Variants in STK3 observed in about 807,000 individuals in gnomAD.
STK3 encodes serine/threonine kinase 3, also known as serine/threonine-protein kinase 3.
Under a neutral mutation model 58.0 loss-of-function variants are expected in STK3, and 41 were observed. The observed-to-expected ratio is 0.71, with a 90% confidence interval of 0.55 to 0.92. The LOEUF is 0.92. Among genes scored for constraint, STK3 ranks in the 40% least tolerant of loss-of-function variants. The pLI, the probability that STK3 is intolerant of heterozygous loss-of-function variation, is 0.00. For missense variants in STK3, 479 were observed against 602.7 expected, an observed-to-expected ratio of 0.79 and a Z score of 2.15; for synonymous variants, 170 against 191.0, an observed-to-expected ratio of 0.89 and a Z score of 0.91.
chr8:98,413,828 C>G (rs1412649889), intron 3 of STK3: 18 of 587,688 alleles, frequency 3.1e-5, no homozygotes, highest in Middle Eastern at 3.1e-4. Flanking sequence ...ACAAACCCCT[C>G]CCAGATGGGG....
rs1183130669 is a variant in STK3, at chr8:98,428,462, C to G, written n.483+5665G>C. On this transcript the variant is annotated intron_variant and non_coding_transcript_variant, in intron 3 of 3. Coordinates refer to the STK3 transcript ENST00000517832. This position sits in a 1 kb window ranked among gnomAD's most constrained non-coding sequence, Gnocchi z 6.7. ...CCTTCTACAACGACGCCTCCAAGTTCGATGGGCAGCCCCTCGGCAACTTCC... is the reference window on the plus strand; with the variant it reads ...CCTTCTACAACGACGCCTCCAAGTTGGATGGGCAGCCCCTCGGCAACTTCC... The G allele has an allele frequency of 1.9e-6, 3 of 1,614,034 alleles. No homozygotes were observed. Among genetic ancestry groups the G allele is most frequent in the Non-Finnish European group, 2.5e-6 (3 of 1,180,054 alleles).
At chr8:98,888,137 G>A (rs964425613) in intron 1 of STK3, among the ~76,000 whole-genome samples, 4 of 152,078 alleles carry the variant, frequency 2.6e-5, no homozygotes, top group African/African-American at 2.4e-5. Flanking sequence ...TGGCCAACAT[G>A]GTGAAACCCT....
At chr8:98,898,201 C>T (rs961339427) in intron 1 of STK3, among the ~76,000 whole-genome samples, 1 of 152,228 alleles carries the variant, frequency 6.6e-6, no homozygotes, top group Admixed American at 6.5e-5. Context: ...GGCCTGATGC[C>T]GGACCTTATG....
chr8:98,915,663 G>A (rs1011598064), intron 1 of STK3, among the ~76,000 whole-genome samples: 2 of 151,604 alleles, frequency 1.3e-5, no homozygotes, highest in African/African-American at 4.9e-5. Flanking sequence ...GTGTGTGTGT[G>A]TTTGTGTGTG....
chr8:98,660,094 A>G (rs961590635), intron 6 of STK3, among the ~76,000 whole-genome samples: 2 of 152,130 alleles, frequency 1.3e-5, no homozygotes, highest in African/African-American at 4.8e-5. Flanking sequence ...TTAGCCTTAA[A>G]AAGGAAGAAA....
Position 98,933,146 on chromosome 8 carries a change from T to G in STK3, c.-79+9232A>C, listed in dbSNP as rs574821608. On this transcript the variant is annotated intron_variant, in intron 1 of 1. Coordinates refer to the STK3 transcript ENST00000519420. ...TAACTCTGCAGGTTATTAGGTATTG[T>G]ATTCTAAAGAGTCAGCATGAGTATT... Among the ~76,000 whole-genome samples the G allele has an allele frequency of 9.8e-5, 15 of 152,342 alleles. 1 individual carries two copies. In the South Asian group the frequency reaches 1.9e-3, roughly 19 times the overall value.
intron 10 of STK3, among the ~76,000 whole-genome samples, chr8:98,516,520 G>C (rs1481976362): frequency 6.6e-6 from 1 of 151,968 alleles, no homozygotes; most frequent in Non-Finnish European, 1.5e-5. Flanking sequence ...TTTATTTGCA[G>C]ACTTGAGCTA....
At chr8:98,934,219 T>C (rs1380695286) in intron 1 of STK3, among the ~76,000 whole-genome samples, 3 of 152,236 alleles carry the variant, frequency 2.0e-5, no homozygotes, top group African/African-American at 7.2e-5. Flanking sequence ...ATGTACTGTT[T>C]TGTTTCATTT....
At chr8:98,355,871 G>T in the STK3 span, among the ~76,000 whole-genome samples, 1 of 152,222 alleles carries the variant, frequency 6.6e-6, no homozygotes, top group Non-Finnish European at 1.5e-5. Context: ...TATGTAACCA[G>T]TTCTGGTCAT....
chr8:98,506,196 C>T (rs935654424), intron 10 of STK3, among the ~76,000 whole-genome samples: 3 of 152,234 alleles, frequency 2.0e-5, no homozygotes, highest in Non-Finnish European at 4.4e-5. Context: ...GGCATGAGAC[C>T]CGCCAAGCCA....
chr8:98,914,533 G>A lies in STK3; in HGVS notation c.-79+27845C>T, dbSNP rs75922799. 2.3e-3 allele frequency among the ~76,000 whole-genome samples: 350 copies of A among 151,912 alleles called. 8 individuals carry two copies. In the East Asian group the frequency reaches 0.048, roughly 21 times the overall value. The stretch of plus-strand genomic sequence containing the variant: ...TCTTCACTCTTAAAATACGGGGCTT[G>A]AAATTATTTCAGTTGTTTGTTCACA... On this transcript the variant is annotated intron_variant, in intron 1 of 1. Coordinates refer to the STK3 transcript ENST00000519420.
At chr8:98,840,236 A>G (rs1835914015) in intron 3 of STK3, among the ~76,000 whole-genome samples, 2 of 151,062 alleles carry the variant, frequency 1.3e-5, no homozygotes, top group Admixed American at 6.6e-5. Context: ...TAATCCAGCC[A>G]CTCAGGAGGC....
chr8:98,863,692 G>A (rs1257645202), intron 3 of STK3, among the ~76,000 whole-genome samples: 1 of 152,128 alleles, frequency 6.6e-6, no homozygotes, highest in Non-Finnish European at 1.5e-5. Flanking sequence ...CACAGGCAAT[G>A]GCAACATTTT....
At chr8:98,546,155 T>C (rs1194377158) in intron 9 of STK3, among the ~76,000 whole-genome samples, 23 of 152,158 alleles carry the variant, frequency 1.5e-4, no homozygotes, top group Non-Finnish European at 3.2e-4. Context: ...TCAAAATTGG[T>C]TTTCACTAAA....
chr8:98,799,659 C>G (rs1833391232), intron 1 of STK3, among the ~76,000 whole-genome samples: 1 of 152,110 alleles, frequency 6.6e-6, no homozygotes. Context: ...AAATCAGACC[C>G]TATCAGTACC....
In STK3 at chr8:98,893,512, G is replaced by GAAAGAAAGAAAA. The variant is rs1554697120; in HGVS notation, c.-78-9679_-78-9678insTTTTCTTTCTTT. Among the ~76,000 whole-genome samples the GAAAGAAAGAAAA allele has an allele frequency of 2.8e-4, 34 of 123,584 alleles. 2 individuals are homozygous for GAAAGAAAGAAAA. In the East Asian group the frequency reaches 3.1e-3, roughly 11 times the overall value. 81.1% of individuals were successfully genotyped at this position (123,584 alleles called of 152,430 possible). On this transcript the variant is annotated intron_variant, in intron 1 of 1. Transcript: ENST00000519420. The stretch of plus-strand genomic sequence containing the variant: ...AGAAAGAAAGAAAGAAAGAAAGAAA[G>GAAAGAAAGAAAA]AAAGAAAGAAAGAAAGAAAGAAAGA...
chr8:98,502,987 C>T (rs1823740542), intron 10 of STK3, among the ~76,000 whole-genome samples: 1 of 152,162 alleles, frequency 6.6e-6, no homozygotes, highest in African/African-American at 2.4e-5. Flanking sequence ...GGTACCAGCT[C>T]TTCTTTGTAC....
chr8:98,795,021 T>A (rs1833037472), intron 1 of STK3, among the ~76,000 whole-genome samples: 1 of 126,986 alleles, frequency 7.9e-6, no homozygotes, highest in Non-Finnish European at 1.6e-5. Flanking sequence ...TGAGACGAGA[T>A]CGCGCCATTG....
chr8:98,446,279 G>A (rs1345143506), intron 1 of STK3, among the ~76,000 whole-genome samples: 3 of 152,198 alleles, frequency 2.0e-5, no homozygotes, highest in African/African-American at 7.2e-5. Context: ...GTCCATGCCT[G>A]TACCAGGCTA....
Sources: gnomAD v4.1 joint callset for allele counts (sites outside exome capture counted in the v4.1 genomes callset) on GRCh38, gnomAD v4.1.1 for gene constraint, Gnocchi (gnomAD v3.1) non-coding constraint, MANE v1.5 for transcripts, NCBI Gene and HGNC (gene_info 2026-07-23, HGNC 2026-07-21) for gene names.